The following C2orf76 variants were observed in gnomAD, a reference collection of about 807,000 sequenced individuals.
C2orf76 encodes the protein UPF0538 protein C2orf76.
Under a neutral mutation model 16.9 loss-of-function variants are expected in C2orf76, and 23 were observed. The observed-to-expected ratio is 1.36, with a 90% CI of 0.98 to 1.93. C2orf76 has a LOEUF of 1.93. C2orf76 is among the 30% of genes most tolerant of loss of function. The pLI is 0.00. For synonymous variants in C2orf76, 48 were observed against 52.3 expected, an observed-to-expected ratio of 0.92 and a Z score of 0.35; for missense variants, 152 against 152.6, an observed-to-expected ratio of 1.00 and a Z score of 0.02.
intron 1 of C2orf76, among the ~76,000 whole-genome samples, chr2:119,364,929 A>G (rs1162512348): frequency 6.6e-6 from 1 of 151,930 alleles, no homozygotes; most frequent in African/African-American, 2.4e-5. Flanking sequence ...AAATAAAAAT[A>G]AAAAAATTAG....
chr2:119,330,237 C>G (rs1199663015), intron 2 of C2orf76, among the ~76,000 whole-genome samples: 1 of 151,484 alleles, frequency 6.6e-6, no homozygotes, highest in Non-Finnish European at 1.5e-5. Context: ...ATTAGCTGGG[C>G]GTGGTGGCAC....
chr2:119,332,163 A>T (rs1348532507), intron 2 of C2orf76, among the ~76,000 whole-genome samples: 1 of 152,236 alleles, frequency 6.6e-6, no homozygotes, highest in African/African-American at 2.4e-5. Flanking sequence ...TCAAGAGGCA[A>T]TAAAATAATT....
intron 1 of C2orf76, among the ~76,000 whole-genome samples, chr2:119,352,856 T>C (rs1680447734): frequency 6.6e-6 from 1 of 152,226 alleles, no homozygotes; most frequent in Non-Finnish European, 1.5e-5. Flanking sequence ...TATGTATGTA[T>C]ATGTAATCAT....
At chr2:119,316,610 G>A (rs1412263930) in intron 4 of C2orf76, among the ~76,000 whole-genome samples, 1 of 151,878 alleles carries the variant, frequency 6.6e-6, no homozygotes, top group Non-Finnish European at 1.5e-5. Context: ...TGAGTGTATG[G>A]AGTGCATCTA....
At chr2:119,355,297 G>T (rs1281719807) in intron 1 of C2orf76, among the ~76,000 whole-genome samples, 1 of 152,196 alleles carries the variant, frequency 6.6e-6, no homozygotes, top group African/African-American at 2.4e-5. Context: ...ACGTCTGCGT[G>T]TCTTAGAAGC....
At chr2:119,317,573 G>A in intron 3 of C2orf76, 70 bp from the exon 4 acceptor site, 6 of 1,275,924 alleles carry the variant, frequency 4.7e-6, no homozygotes, top group Non-Finnish European at 6.7e-6. Context: ...ATTAAAATGG[G>A]TGGAGGGTGG....
chr2:119,305,948 A>AC (rs1678767675), intron 5 of C2orf76, among the ~76,000 whole-genome samples: 1 of 151,388 alleles, frequency 6.6e-6, no homozygotes, highest in African/African-American at 2.4e-5. Context: ...ACAACAAAAA[A>AC]AAAAAAAAAC....
At chr2:119,325,320 C>G (rs1161424814) in intron 2 of C2orf76, among the ~76,000 whole-genome samples, 1 of 151,820 alleles carries the variant, frequency 6.6e-6, no homozygotes, top group East Asian at 1.9e-4. Context: ...ATTAGCCAGG[C>G]GTGGTGGCGG....
At chr2:119,330,143 G>A (rs1283581358) in intron 2 of C2orf76, among the ~76,000 whole-genome samples, 1 of 152,128 alleles carries the variant, frequency 6.6e-6, no homozygotes, top group African/African-American at 2.4e-5. Context: ...GGAGGCTGAG[G>A]AGGGCAGACC....
chr2:119,305,939 C>A (rs9750575), intron 5 of C2orf76, among the ~76,000 whole-genome samples: 5 of 90,156 alleles, frequency 5.5e-5, no homozygotes, highest in East Asian at 5.2e-4. Flanking sequence ...AAAAAAACAA[C>A]AACAAAAAAA....
intron 3 of C2orf76, among the ~76,000 whole-genome samples, chr2:119,317,920 T>G (rs1679225730): frequency 6.6e-6 from 1 of 152,128 alleles, no homozygotes; most frequent in African/African-American, 2.4e-5. Context: ...AGATGAGATA[T>G]AATGACAAGA....
intron 1 of C2orf76, among the ~76,000 whole-genome samples, chr2:119,347,065 A>G (rs1352209535): frequency 6.6e-6 from 1 of 152,372 alleles, no homozygotes; most frequent in East Asian, 1.9e-4. Context: ...AAGCGGTGTT[A>G]AAACCATCAG....
At chr2:119,300,832 CAGTGT>C (rs1210642719), downstream of C2orf76, among the ~76,000 whole-genome samples, 1 of 152,110 alleles carries the variant, frequency 6.6e-6, no homozygotes, top group Non-Finnish European at 1.5e-5. Context: ...TATGGGTACT[CAGTGT>C]TTCTACTGAA....
At chr2:119,318,495 AT>A (rs923755771) in intron 3 of C2orf76, among the ~76,000 whole-genome samples, 1 of 151,954 alleles carries the variant, frequency 6.6e-6, no homozygotes, top group African/African-American at 2.4e-5. Context: ...GAATTTGCCC[AT>A]TATTTTAAAT....
intron 1 of C2orf76, among the ~76,000 whole-genome samples, chr2:119,363,630 A>G (rs1680825055): frequency 6.6e-6 from 1 of 152,176 alleles, no homozygotes; most frequent in Non-Finnish European, 1.5e-5. Context: ...TTTTCTGGTG[A>G]TTAGGTTACT....
chr2:119,342,784 T>C (rs981584476), intron 1 of C2orf76, among the ~76,000 whole-genome samples: 8 of 150,706 alleles, frequency 5.3e-5, no homozygotes, highest in African/African-American at 1.7e-4. Flanking sequence ...GTTTTTGAGA[T>C]GGAGTCTCAC....
At chr2:119,286,837 G>C in the C2orf76 span, among the ~76,000 whole-genome samples, 1 of 152,122 alleles carries the variant, frequency 6.6e-6, no homozygotes, top group African/African-American at 2.4e-5. Flanking sequence ...GGGAAGGGGA[G>C]GCCGTTCTCA....
chr2:119,339,972 C>G lies in C2orf76; in HGVS notation c.-12-1G>C, dbSNP rs755640799. ...CTCCAGGAGCCATGTGAAGAAATTCCTGTGGCAAGAGACATGAGAACCATC... is the reference window on the plus strand; with the variant it reads ...CTCCAGGAGCCATGTGAAGAAATTCGTGTGGCAAGAGACATGAGAACCATC... On this transcript the variant is annotated splice_acceptor_variant, in intron 1 of 5. Transcript: ENST00000334816. LOFTEE classifies it low-confidence loss of function (5UTR_SPLICE). 1.6e-5 allele frequency: 25 copies of G among 1,606,440 alleles called. No individual in the cohort carries two copies. The Admixed American group carries it at 2.3e-4, about 15-fold the overall frequency.
intron 1 of C2orf76, among the ~76,000 whole-genome samples, chr2:119,340,755 T>TACACACACACACACACAC (rs60777590): frequency 7.1e-6 from 1 of 140,284 alleles, no homozygotes; most frequent in Admixed American, 7.3e-5. Flanking sequence ...TGCTTTCTAA[T>TACACACACACACACACAC]ACACACACAC....
Sources: allele counts gnomAD v4.1 joint callset (sites outside exome capture counted in the v4.1 genomes callset), GRCh38; gene constraint gnomAD v4.1.1; transcripts MANE v1.5; gene names NCBI Gene and HGNC (gene_info 2026-07-23, HGNC 2026-07-21).